Variants in MIS18A observed in about 807,000 individuals in gnomAD.
MIS18A encodes protein Mis18-alpha.
MIS18A carries 14 observed loss-of-function variants against 25.0 expected under a neutral mutation model. The observed-to-expected ratio is 0.56, with a 90% CI of 0.37 to 0.88. MIS18A has a LOEUF of 0.88. Ranked by LOEUF, MIS18A falls within the 40% of genes least tolerant of loss-of-function variation. The pLI is 0.00. For missense variants in MIS18A, 292 were observed against 290.8 expected (o/e 1.00, Z -0.03); for synonymous variants, 134 against 118.6 (o/e 1.13, Z -0.84).
At chr21:32,203,664 G>A in the MIS18A span, among the ~76,000 whole-genome samples, 1 of 134,278 alleles carries the variant, frequency 7.4e-6, no homozygotes, top group Admixed American at 8.2e-5. Flanking sequence ...CTGTCACCCA[G>A]GCTGGAGTGC....
At chr21:32,197,981 T>C in the MIS18A span, among the ~76,000 whole-genome samples, 2 of 152,192 alleles carry the variant, frequency 1.3e-5, no homozygotes, top group African/African-American at 4.8e-5. Flanking sequence ...ATATAAGAGA[T>C]TAAAAACAGA....
the MIS18A span, among the ~76,000 whole-genome samples, chr21:32,217,432 A>G: frequency 5.9e-5 from 9 of 152,212 alleles, no homozygotes; most frequent in African/African-American, 2.2e-4. Flanking sequence ...GAGATTATTC[A>G]GTCTGACTTA....
chr21:32,253,832 T>C, the MIS18A span, among the ~76,000 whole-genome samples: 2 of 152,322 alleles, frequency 1.3e-5, no homozygotes, highest in African/African-American at 4.8e-5. Flanking sequence ...ATTCAATTGG[T>C]TCATAAAAAT....
At chr21:32,161,792 G>A in the MIS18A span, among the ~76,000 whole-genome samples, 121 of 150,748 alleles carry the variant, frequency 8.0e-4, no homozygotes, top group Middle Eastern at 6.8e-3. Flanking sequence ...GCACCTGGCC[G>A]GAAGTTTTTA....
downstream of MIS18A, among the ~76,000 whole-genome samples, chr21:32,264,245 TGTGA>T (rs2031555442): frequency 6.6e-6 from 1 of 152,130 alleles, no homozygotes; most frequent in South Asian, 2.1e-4. Context: ...TACCTCAAAA[TGTGA>T]GTAATTATTA....
chr21:32,179,801 G>A, the MIS18A span, among the ~76,000 whole-genome samples: 3 of 152,210 alleles, frequency 2.0e-5, no homozygotes, highest in East Asian at 5.8e-4. Context: ...ACTAAGGAAT[G>A]TGGGATAAAA....
At chr21:32,169,075 A>T in the MIS18A span, among the ~76,000 whole-genome samples, 1 of 152,186 alleles carries the variant, frequency 6.6e-6, no homozygotes, top group Non-Finnish European at 1.5e-5. Context: ...TATGAGGTGC[A>T]TTTATTCAAG....
At chr21:32,225,969 T>C in the MIS18A span, among the ~76,000 whole-genome samples, 1 of 50,170 alleles carries the variant, frequency 2.0e-5, no homozygotes, top group African/African-American at 1.1e-4. Flanking sequence ...GATGAGTTCA[T>C]GTCCTTTGTA....
Position 32,278,868 on chromosome 21 carries a change from C to T in MIS18A, c.147G>A (p.Ala49=), listed in dbSNP as rs748052330. The T allele has an allele frequency of 3.1e-6, 5 of 1,613,136 alleles. No homozygotes were observed. Among genetic ancestry groups the T allele is most frequent in the Non-Finnish European group, 4.2e-6 (5 of 1,179,804 alleles). ...CTTCGCTCATGGAGCTCCACATGCT[C>T]GCCCACTTCTGCAACAGCTGGTGGC... ...SSRHQLLQKW[A]SMWSSMSEDA... The change falls in exon 1 of 5, where the codon GCG becomes GCA. Residue 49 remains alanine, a synonymous_variant. Coordinates refer to ENST00000290130, the MANE Select transcript of MIS18A (RefSeq NM_018944.3).
At chr21:32,190,278 G>T in the MIS18A span, among the ~76,000 whole-genome samples, 3 of 151,984 alleles carry the variant, frequency 2.0e-5, no homozygotes, top group Admixed American at 2.0e-4. Context: ...TGCATGCAAT[G>T]GTATTGCACA....
the MIS18A span, among the ~76,000 whole-genome samples, chr21:32,240,116 C>T: frequency 1.4e-4 from 21 of 152,354 alleles, no homozygotes; most frequent in East Asian, 3.9e-4. Context: ...CACAGTGCTG[C>T]GAACGTTGCA....
At chr21:32,179,717 G>A in the MIS18A span, among the ~76,000 whole-genome samples, 4,098 of 152,252 alleles carry the variant, frequency 0.027, 188 homozygotes, top group African/African-American at 0.091. Flanking sequence ...CAAGCTTAAG[G>A]GTTTCTATTA....
chr21:32,220,662 T>C, the MIS18A span, among the ~76,000 whole-genome samples: 1 of 151,910 alleles, frequency 6.6e-6, no homozygotes, highest in Non-Finnish European at 1.5e-5. Context: ...CTTCAGAAAG[T>C]GGGTGATAAC....
At chr21:32,262,313 T>C in the MIS18A span, among the ~76,000 whole-genome samples, 1 of 152,260 alleles carries the variant, frequency 6.6e-6, no homozygotes, top group Non-Finnish European at 1.5e-5. Flanking sequence ...GCAGCTGTCC[T>C]GTTTTGAGAA....
the MIS18A span, among the ~76,000 whole-genome samples, chr21:32,231,546 G>A: frequency 3.3e-5 from 5 of 152,156 alleles, 1 homozygote; most frequent in Admixed American, 1.3e-4. Context: ...ATAAGTGTTG[G>A]CAAGGATGTG....
At chr21:32,204,284 G>A in the MIS18A span, among the ~76,000 whole-genome samples, 1 of 151,708 alleles carries the variant, frequency 6.6e-6, no homozygotes, top group South Asian at 2.1e-4. Flanking sequence ...GGATCATGAG[G>A]TCCACAGTTC....
chr21:32,222,543 T>C, the MIS18A span, among the ~76,000 whole-genome samples: 1 of 152,102 alleles, frequency 6.6e-6, no homozygotes, highest in Non-Finnish European at 1.5e-5. Flanking sequence ...TAATTGGAAG[T>C]AAAACTCTCC....
At chr21:32,210,787 A>G in the MIS18A span, among the ~76,000 whole-genome samples, 5 of 152,194 alleles carry the variant, frequency 3.3e-5, no homozygotes, top group Non-Finnish European at 7.3e-5. Context: ...ATTCCTATAA[A>G]GGTGACTTTT....
the MIS18A span, among the ~76,000 whole-genome samples, chr21:32,174,331 G>C: frequency 1.3e-5 from 2 of 152,078 alleles, no homozygotes; most frequent in African/African-American, 4.8e-5. Context: ...GCTCTGTATA[G>C]AAGAAAGTTG....
Sources: allele counts gnomAD v4.1 joint callset (sites outside exome capture counted in the v4.1 genomes callset), GRCh38; gene constraint gnomAD v4.1.1; transcripts MANE v1.5; gene names NCBI Gene and HGNC (gene_info 2026-07-23, HGNC 2026-07-21).